The following SON variants were observed in gnomAD, a reference collection of about 807,000 sequenced individuals.
SON encodes the protein protein SON.
Under a neutral mutation model 173.3 loss-of-function variants are expected in SON, and 4 were observed. The ratio of observed to expected loss-of-function variants is 0.02; its 90% CI spans 0.01 to 0.05. The LOEUF (loss-of-function observed/expected upper bound fraction) is 0.05. Ranked by LOEUF, SON falls within the 10% of genes least tolerant of loss-of-function variation. The probability of loss-of-function intolerance (pLI) is 1.00; values close to 1 mark genes in which losing one functional copy is unlikely to be tolerated. For synonymous variants in SON, 1,190 were observed against 1,105.9 expected (o/e 1.08, Z -1.51); for missense variants, 2,626 against 3,055.3 (o/e 0.86, Z 3.31).
chr21:33,576,273 G>C, intron 11 of SON, 92 bp from the exon 12 acceptor site: 1 of 748,300 alleles, frequency 1.3e-6, no homozygotes, highest in Admixed American at 2.0e-5. Context: ...TTATATTTTT[G>C]TAAATTATTT....
chr21:33,575,367 G>C, intron 9 of SON: 2 of 399,026 alleles, frequency 5.0e-6, no homozygotes, highest in Non-Finnish European at 8.9e-6. Context: ...GTTTACATTT[G>C]GTATTTATTA....
intron 6 of SON, chr21:33,561,056 TTTG>T (rs916860782): frequency 4.6e-5 from 7 of 152,176 alleles, no homozygotes; most frequent in Admixed American, 4.6e-4. Flanking sequence ...TCACTTTTTT[TTTG>T]TTTGTTTGAC....
At chr21:33,567,098 T>C in intron 6 of SON, 59 bp from the exon 7 acceptor site, 1 of 963,998 alleles carries the variant, frequency 1.0e-6, no homozygotes, top group South Asian at 1.6e-5. Flanking sequence ...ATATGAGTAC[T>C]TTTCAGAATT....
At chr21:33,543,758 C>G (rs975791549) in intron 1 of SON, among the ~76,000 whole-genome samples, 5 of 152,240 alleles carry the variant, frequency 3.3e-5, no homozygotes, top group African/African-American at 9.6e-5. Flanking sequence ...CAAACTGATG[C>G]ACTTGCTAGT....
At chr21:33,558,979 TTTTG>T in intron 4 of SON, 2 of 215,094 alleles carry the variant, frequency 9.3e-6, no homozygotes, top group Admixed American at 5.9e-5. Context: ...TTTTTTTTTT[TTTTG>T]TATTCCCCAG....
chr21:33,552,826 G>A lies in SON; in HGVS notation c.3595G>A (p.Val1199Met). The A allele has an allele frequency of 6.2e-7, 1 of 1,613,670 alleles. No individual in the cohort carries two copies. The change falls in exon 3 of 12, where the codon GTG becomes ATG. Residue 1199 changes from valine (V) to methionine (M), a missense_variant. Val to Met is a conservative substitution (Grantham distance 21). This residue lies in a region of SON where 1,006 missense variants were observed against 895.6 expected (regional missense o/e 1.12). Transcript: ENST00000356577. The surrounding 1 kb of genome is among the most constrained non-coding windows in gnomAD (Gnocchi z 5.6). Reference sequence around the variant, plus strand: ...AGCTGAAAATACTTGGCCTACAGAGGTGCCATCATCACCATCTGAAGAGTC... The same window carrying A: ...AGCTGAAAATACTTGGCCTACAGAGATGCCATCATCACCATCTGAAGAGTC... ...LTAENTWPTEVPSSPSEESVS... is the reference protein window; with the variant it reads ...LTAENTWPTEMPSSPSEESVS...
chr21:33,555,269 C>T lies in SON; in HGVS notation c.6038C>T (p.Ser2013Leu). 1.2e-6 allele frequency: 2 copies of T among 1,612,698 alleles called. No homozygotes were observed. Among genetic ancestry groups the T allele is most frequent in the Non-Finnish European group, 1.7e-6 (2 of 1,179,488 alleles). Residue 2013 changes from serine (S) to leucine (L), a missense_variant, in exon 3 of 12, where the codon TCA becomes TTA. Transcript: ENST00000356577. ...GTAAGAAGACGAAGCTTCAGTATCT[C>T]ACCAGTCAGATTAAGGCGATCAAGA... is the stretch of plus-strand genomic sequence containing the variant. ...SVVRRRSFSI[S>L]PVRLRRSRTP...
At chr21:33,547,556 TCAAA>T (rs1208258756) in intron 2 of SON, among the ~76,000 whole-genome samples, 4 of 152,172 alleles carry the variant, frequency 2.6e-5, no homozygotes, top group African/African-American at 7.2e-5. Flanking sequence ...TTCATGACTC[TCAAA>T]CAGACTTGCT....
chr21:33,569,282 CAA>C (rs1440108939), intron 8 of SON, 195 bp downstream of exon 8: 15 of 532,106 alleles, frequency 2.8e-5, no homozygotes, highest in Non-Finnish European at 4.8e-5. Flanking sequence ...AAATGTGGCT[CAA>C]GAGCCACTAA....
At position 33,554,203 on chromosome 21, in the gene SON, C is replaced by G; in HGVS notation, c.4972C>G (p.Pro1658Ala). The G allele has an allele frequency of 6.2e-7, 1 of 1,614,072 alleles. No individual in the cohort carries two copies. Among genetic ancestry groups the G allele is most frequent in the Non-Finnish European group, 8.5e-7 (1 of 1,179,940 alleles). The part of the protein sequence containing the change: ...SGGSEADIEG[P>A]LPAKDIHLDL... ...TGGTAGTGAAGCTGACATTGAAGGG[C>G]CTTTGCCTGCTAAAGATATTCATCT... The change falls in exon 3 of 12, where the codon CCT becomes GCT. Residue 1658 changes from proline to alanine, a missense_variant. Around this residue, in one of 13 missense-constraint regions of SON, gnomAD observed 1,006 missense variants for 895.6 expected, o/e 1.12. Transcript: ENST00000356577.
At chr21:33,546,126 A>G in intron 1 of SON, 87 bp from the exon 2 acceptor site, 1 of 1,144,308 alleles carries the variant, frequency 8.7e-7, no homozygotes, top group Non-Finnish European at 1.2e-6. Flanking sequence ...GACAGTCAGT[A>G]CAACATATGA....
In SON at chr21:33,549,774, A is replaced by G. The variant is rs771709381; in HGVS notation, c.543A>G (p.Glu181=). ...CATTTGGCCCATCTGAGACCAATGA[A>G]TCCCCTGCAGTTGTGCTAGAACCTC... ...TRAFGPSETN[E]SPAVVLEPPV... is the part of the protein sequence containing the mutation. The change falls in exon 3 of 12, where the codon GAA becomes GAG. Residue 181 remains glutamate, a synonymous_variant. Coordinates refer to ENST00000356577, the MANE Select transcript of SON (RefSeq NM_138927.4). The G allele has an allele frequency of 6.2e-7, 1 of 1,614,200 alleles. No homozygotes were observed. Among genetic ancestry groups the G allele is most frequent in the Non-Finnish European group, 8.5e-7 (1 of 1,180,036 alleles).
rs1555898758 is a variant in SON, at chr21:33,552,474, A to G, written c.3243A>G (p.Arg1081=). The G allele has an allele frequency of 1.2e-6, 2 of 1,613,828 alleles. No individual in the cohort carries two copies. Among genetic ancestry groups the G allele is most frequent in the Non-Finnish European group, 1.7e-6 (2 of 1,179,944 alleles). Residue 1081 remains arginine (R), a synonymous_variant, in exon 3 of 12, where the codon CGA becomes CGG. Transcript: ENST00000356577. This position sits in a 1 kb window ranked among gnomAD's most constrained non-coding sequence, Gnocchi z 5.6. The part of the protein sequence containing the change: ...ERSMMSPMAD[R]SMMSMGADRS... Reference sequence around the variant, plus strand: ...CCATGATGTCCCCAATGGCTGATCGATCTATGATGTCCATGGGTGCTGACC... The same window carrying G: ...CCATGATGTCCCCAATGGCTGATCGGTCTATGATGTCCATGGGTGCTGACC...
chr21:33,567,365 A>G (rs2086194909), intron 7 of SON, 98 bp downstream of exon 7: 2 of 720,086 alleles, frequency 2.8e-6, no homozygotes, highest in South Asian at 1.5e-5. Flanking sequence ...TGCTAACTAG[A>G]TGGTTGAGTT....
chr21:33,564,559 C>T (rs946539001), intron 6 of SON, among the ~76,000 whole-genome samples: 1 of 151,982 alleles, frequency 6.6e-6, no homozygotes, highest in African/African-American at 2.4e-5. Context: ...TATATGTTTT[C>T]GCATTAAAAA....
chr21:33,572,106 A>G (rs992303366), intron 8 of SON: 1 of 151,602 alleles, frequency 6.6e-6, no homozygotes, highest in East Asian at 1.9e-4. Context: ...GGAGATGTGC[A>G]TACTATTTCC....
At position 33,553,617 on chromosome 21, in the gene SON, A is replaced by G. The variant is rs778055815; in HGVS notation, c.4386A>G (p.Pro1462=). 1 of 1,613,808 alleles carries G rather than the reference A, an allele frequency of 6.2e-7. No homozygotes were observed. Among genetic ancestry groups the G allele is most frequent in the African/African-American group, 1.3e-5 (1 of 74,868 alleles). ...TCTCAGAGCAGACTCAAGTAATACCAACTGAGGTGGCTATAGAGTCCACAC... is the reference window on the plus strand; with the variant it reads ...TCTCAGAGCAGACTCAAGTAATACCGACTGAGGTGGCTATAGAGTCCACAC... ...VTVSEQTQVI[P]TEVAIESTPM... The change falls in exon 3 of 12, where the codon CCA becomes CCG. Residue 1462 remains proline (P), a synonymous_variant. Coordinates refer to ENST00000356577, the MANE Select transcript of SON (RefSeq NM_138927.4).
At chr21:33,546,952 G>A (rs2145805077) in intron 2 of SON, 1 of 152,108 alleles carries the variant, frequency 6.6e-6, no homozygotes, top group South Asian at 2.1e-4. Context: ...CAGTTTATTT[G>A]ATTCAGTTTC....
In SON at chr21:33,557,172, T is replaced by G; in HGVS notation, c.6177T>G (p.Leu2059=). 1 of 1,610,494 alleles carries G rather than the reference T, an allele frequency of 6.2e-7. No homozygotes were observed. Among genetic ancestry groups the G allele is most frequent in the Admixed American group, 1.7e-5 (1 of 59,494 alleles). Residue 2059 remains leucine (L), a synonymous_variant, in exon 4 of 12, where the codon CTT becomes CTG. Coordinates refer to ENST00000356577, the MANE Select transcript of SON (RefSeq NM_138927.4). ...RLTDLDKAQL[L]EIAKANAAAM... is the part of the protein sequence containing the mutation. ...TTCTTACAGATAAGGCTCAATTACT[T>G]GAAATAGCCAAAGCTAATGCAGCTG... is the stretch of plus-strand genomic sequence containing the variant.
Sources: gnomAD v4.1 joint callset for allele counts (sites outside exome capture counted in the v4.1 genomes callset) on GRCh38, gnomAD v4.1.1 for gene constraint, gnomAD v4.1.1 regional missense constraint, Gnocchi (gnomAD v3.1) non-coding constraint, MANE v1.5 for transcripts, NCBI Gene and HGNC (gene_info 2026-07-23, HGNC 2026-07-21) for gene names.